Variants in RIT2 observed in about 807,000 individuals in gnomAD.
The protein encoded by RIT2 is GTP-binding protein Rit2.
RIT2 carries 24 observed loss-of-function variants against 23.7 expected under a neutral mutation model. The observed-to-expected ratio is 1.01, with a 90% CI of 0.73 to 1.43. The LOEUF (loss-of-function observed/expected upper bound fraction) is 1.43. Among genes scored for constraint, RIT2 ranks in the 40% most tolerant of loss-of-function variants. RIT2 has a pLI of 0.00. For missense variants in RIT2, 236 were observed against 266.9 expected, an observed-to-expected ratio of 0.88 and a Z score of 0.81; for synonymous variants, 107 against 91.1, an observed-to-expected ratio of 1.17 and a Z score of -0.99.
At chr18:42,912,287 A>G (rs1908789829) in intron 4 of RIT2, among the ~76,000 whole-genome samples, 1 of 151,808 alleles carries the variant, frequency 6.6e-6, no homozygotes, top group African/African-American at 2.4e-5. Flanking sequence ...CCCCAAACTT[A>G]TAAAGAATAC....
intron 1 of RIT2, among the ~76,000 whole-genome samples, chr18:43,044,051 G>A (rs1912190971): frequency 6.6e-6 from 1 of 152,138 alleles, no homozygotes. Flanking sequence ...CGGAGAATAA[G>A]ACTGAGATAA....
chr18:42,962,077 G>A (rs1455270020), intron 3 of RIT2, among the ~76,000 whole-genome samples: 1 of 152,148 alleles, frequency 6.6e-6, no homozygotes, highest in Non-Finnish European at 1.5e-5. Flanking sequence ...ATGTTTAGGG[G>A]TGAAAGCACC....
intron 1 of RIT2, among the ~76,000 whole-genome samples, chr18:43,041,069 C>T (rs939167031): frequency 1.1e-4 from 17 of 152,100 alleles, no homozygotes; most frequent in African/African-American, 4.1e-4. Flanking sequence ...GATAGGAGTA[C>T]ATCTGAAATA....
chr18:43,067,364 A>G (rs559624794), intron 1 of RIT2, among the ~76,000 whole-genome samples: 2 of 152,296 alleles, frequency 1.3e-5, no homozygotes, highest in East Asian at 1.9e-4. Context: ...TGCACACGAC[A>G]CAGCCCAAAA....
chr18:42,917,060 G>A (rs1322964823), intron 4 of RIT2, among the ~76,000 whole-genome samples: 1 of 152,130 alleles, frequency 6.6e-6, no homozygotes, highest in Non-Finnish European at 1.5e-5. Context: ...GTGACATCAG[G>A]CAAGGAGGCT....
chr18:42,925,876 T>A (rs1205075300), intron 3 of RIT2, among the ~76,000 whole-genome samples: 8 of 151,738 alleles, frequency 5.3e-5, no homozygotes, highest in African/African-American at 1.7e-4. Context: ...TGGAAACTAT[T>A]CTATATAAGT....
chr18:42,863,298 G>GT (rs1568015661), intron 4 of RIT2, among the ~76,000 whole-genome samples: 1 of 152,122 alleles, frequency 6.6e-6, no homozygotes, highest in African/African-American at 2.4e-5. Flanking sequence ...GGGTATGTAG[G>GT]TGTGTATATG....
chr18:42,866,598 T>C (rs1598690402), intron 4 of RIT2, among the ~76,000 whole-genome samples: 1 of 151,676 alleles, frequency 6.6e-6, no homozygotes, highest in East Asian at 1.9e-4. Flanking sequence ...TTCAGCGTCA[T>C]TAACCATGAT....
At chr18:42,807,571 C>T (rs1483980639) in intron 4 of RIT2, among the ~76,000 whole-genome samples, 4 of 152,082 alleles carry the variant, frequency 2.6e-5, no homozygotes, top group Admixed American at 1.3e-4. Context: ...GAGCCAAGAT[C>T]GCACCACTGC....
At chr18:42,885,350 C>T (rs146072537) in intron 4 of RIT2, among the ~76,000 whole-genome samples, 1,803 of 152,200 alleles carry the variant, frequency 0.012, 26 homozygotes, top group East Asian at 0.067. Context: ...CTTTGGGAGG[C>T]CAAGGTGGGT....
At chr18:43,114,679 A>G (rs867673144) in intron 1 of RIT2, among the ~76,000 whole-genome samples, 31 of 152,046 alleles carry the variant, frequency 2.0e-4, no homozygotes, top group African/African-American at 7.2e-4. Flanking sequence ...TAATTTTTTT[A>G]TATTTGGCCT....
intron 4 of RIT2, among the ~76,000 whole-genome samples, chr18:42,876,980 G>C (rs1907759682): frequency 1.3e-5 from 2 of 151,664 alleles, no homozygotes; most frequent in Non-Finnish European, 3.0e-5. Flanking sequence ...TTCACTAGAT[G>C]GACTACTCCC....
chr18:42,920,160 C>T (rs1358212033), intron 4 of RIT2, among the ~76,000 whole-genome samples: 1 of 152,150 alleles, frequency 6.6e-6, no homozygotes, highest in African/African-American at 2.4e-5. Context: ...ATTCTTCCTG[C>T]TCCTCCTTGT....
At chr18:43,022,722 G>A (rs1911625519) in intron 2 of RIT2, among the ~76,000 whole-genome samples, 1 of 151,754 alleles carries the variant, frequency 6.6e-6, no homozygotes, top group South Asian at 2.1e-4. Flanking sequence ...CATTGCTATA[G>A]CCCAGCTCAG....
chr18:42,985,489 T>C (rs1484948645), intron 2 of RIT2, among the ~76,000 whole-genome samples: 1 of 152,166 alleles, frequency 6.6e-6, no homozygotes, highest in Admixed American at 6.5e-5. Flanking sequence ...AGCTCTACCA[T>C]GTATTAAGAC....
Position 42,800,195 on chromosome 18 carries a change from A to G in RIT2, c.427-56475T>C, listed in dbSNP as rs1027341755. On this transcript the variant is annotated intron_variant, in intron 4 of 4. Coordinates refer to ENST00000326695, the MANE Select transcript of RIT2 (RefSeq NM_002930.4). ...TCCTGTGAATAGGACTACAAATTCGATCATTTCTTTCTTATGTTGCTTCTT... is the reference window on the plus strand; with the variant it reads ...TCCTGTGAATAGGACTACAAATTCGGTCATTTCTTTCTTATGTTGCTTCTT... Among the ~76,000 whole-genome samples the G allele has an allele frequency of 2.0e-5, 3 of 152,116 alleles. No homozygotes were observed. The East Asian group carries it at 5.8e-4, about 29-fold the overall frequency.
At chr18:43,093,228 GCTACTGT>G (rs555283976) in intron 1 of RIT2, among the ~76,000 whole-genome samples, 1,778 of 152,064 alleles carry the variant, frequency 0.012, 54 homozygotes, top group African/African-American at 0.041. Flanking sequence ...AGTATTGAAG[GCTACTGT>G]GGTATTTCTT....
At chr18:42,815,524 C>A (rs1363198079) in intron 4 of RIT2, among the ~76,000 whole-genome samples, 1 of 152,118 alleles carries the variant, frequency 6.6e-6, no homozygotes, top group Admixed American at 6.6e-5. Flanking sequence ...AAAAGAGAAG[C>A]CTGAAAGTTT....
rs1409313867 is a variant in RIT2 at position 42,981,012 on chromosome 18, G to T, written c.161-6865C>A. Among the ~76,000 whole-genome samples the T allele has an allele frequency of 3.3e-5, 5 of 152,152 alleles. No homozygotes were observed. In the East Asian group the frequency reaches 9.7e-4, roughly 30 times the overall value. On this transcript the variant is annotated intron_variant, in intron 2 of 4. Coordinates refer to ENST00000326695, the MANE Select transcript of RIT2 (RefSeq NM_002930.4). ...CTTTTCCTTTCAACCTGAGAGAGTA[G>T]AAGGATCCATTGGAAACCTAATTCC...
Sources: gnomAD v4.1 joint callset for allele counts (sites outside exome capture counted in the v4.1 genomes callset) on GRCh38, gnomAD v4.1.1 for gene constraint, MANE v1.5 for transcripts, NCBI Gene and HGNC (gene_info 2026-07-23, HGNC 2026-07-21) for gene names.